Variants in APBA2 observed in about 807,000 individuals in gnomAD.
APBA2 encodes the protein amyloid-beta A4 precursor protein-binding family A member 2.
Under a neutral mutation model 75.0 loss-of-function variants are expected in APBA2, and 30 were observed. The observed-to-expected ratio is 0.40, with a 90% CI of 0.30 to 0.54. The LOEUF is 0.54. Among genes scored for constraint, APBA2 ranks in the 20% least tolerant of loss-of-function variants. APBA2 has a pLI of 0.49. For missense variants in APBA2, 801 were observed against 1,016.1 expected, an observed-to-expected ratio of 0.79 and a Z score of 2.88; for synonymous variants, 444 against 409.6, an observed-to-expected ratio of 1.08 and a Z score of -1.01.
chr15:28,934,231 C>T (rs2034723380), intron 2 of APBA2, among the ~76,000 whole-genome samples: 2 of 152,164 alleles, frequency 1.3e-5, no homozygotes, highest in South Asian at 4.2e-4. Flanking sequence ...AGGAGGGACT[C>T]AGTGGAGCTT....
chr15:29,048,101 C>T (rs2041427406), intron 3 of APBA2, among the ~76,000 whole-genome samples: 1 of 152,154 alleles, frequency 6.6e-6, no homozygotes, highest in South Asian at 2.1e-4. Context: ...GTAATCCCAG[C>T]ACTTTGGGAA....
intron 2 of APBA2, among the ~76,000 whole-genome samples, chr15:28,951,067 C>T (rs150781138): frequency 1.3e-3 from 198 of 152,172 alleles, no homozygotes; most frequent in African/African-American, 4.5e-3. Flanking sequence ...TGGGAAATAT[C>T]TGGGAGAAAA....
chr15:28,960,957 C>T (rs546411164), intron 2 of APBA2, among the ~76,000 whole-genome samples: 10 of 152,036 alleles, frequency 6.6e-5, no homozygotes, highest in Non-Finnish European at 1.2e-4. Flanking sequence ...CAGGGTTTCT[C>T]CATGTTGGTC....
intron 3 of APBA2, among the ~76,000 whole-genome samples, chr15:29,033,599 G>A (rs2040591712): frequency 6.6e-6 from 1 of 151,976 alleles, no homozygotes; most frequent in South Asian, 2.1e-4. Context: ...ACAGAACTCA[G>A]AACACCATTA....
At chr15:28,935,723 C>T (rs1024707371) in intron 2 of APBA2, among the ~76,000 whole-genome samples, 4 of 152,170 alleles carry the variant, frequency 2.6e-5, no homozygotes, top group South Asian at 2.1e-4. Flanking sequence ...CACCTGGTCT[C>T]GGCTGAGGTT....
rs764917264 is a variant in APBA2 at position 29,037,499 on chromosome 15, G to A, written c.-40-16346G>A. 4.2e-4 allele frequency among the ~76,000 whole-genome samples: 64 copies of A among 152,066 alleles called. 1 individual carries two copies. The highest frequency in any genetic ancestry group is 6.9e-4 in the Non-Finnish European group (47 of 68,024). On this transcript the variant is annotated intron_variant, in intron 3 of 14. Coordinates refer to ENST00000683413, the MANE Select transcript of APBA2 (RefSeq NM_001353788.2). ...CTGAGGGTTTGTTGGGATTAGAGGG[G>A]CAGCTTCCAGGCCTTTCAGGAGAGG...
chr15:28,924,692 TG>T (rs1170792405), intron 2 of APBA2, among the ~76,000 whole-genome samples: 7 of 152,206 alleles, frequency 4.6e-5, no homozygotes, highest in Admixed American at 3.9e-4. Context: ...TTCCACCTTT[TG>T]ACTGTCAGGA....
chr15:29,095,655 C>T (rs547957348), intron 8 of APBA2, among the ~76,000 whole-genome samples: 2 of 152,316 alleles, frequency 1.3e-5, no homozygotes, highest in South Asian at 2.1e-4. Context: ...TGAAGTAATG[C>T]CATTTTCTGG....
chr15:29,072,612 A>C lies in APBA2; in HGVS notation c.952-2309A>C, dbSNP rs188382681. On this transcript the variant is annotated intron_variant, in intron 4 of 14. Transcript: ENST00000683413. Reference sequence around the variant, plus strand: ...GCTCCACTTGGTCAGTGCAGGGTCTACTGCAACAGAGTCTCGGGTGGTCAC... The same window carrying C: ...GCTCCACTTGGTCAGTGCAGGGTCTCCTGCAACAGAGTCTCGGGTGGTCAC... Among the ~76,000 whole-genome samples, 447 of 152,016 alleles carry C rather than the reference A, an allele frequency of 2.9e-3. 1 individual carries two copies. Among genetic ancestry groups the C allele is most frequent in the African/African-American group, 0.011 (439 of 41,458 alleles).
intron 1 of APBA2, among the ~76,000 whole-genome samples, chr15:28,916,128 G>A (rs1299925571): frequency 6.6e-6 from 1 of 152,246 alleles, no homozygotes; most frequent in African/African-American, 2.4e-5. Context: ...CCTCCTTTGG[G>A]TCAGCACCGC....
intron 4 of APBA2, among the ~76,000 whole-genome samples, chr15:29,060,701 C>T (rs890750582): frequency 3.3e-5 from 5 of 152,136 alleles, no homozygotes; most frequent in Non-Finnish European, 7.3e-5. Context: ...CACCAGGGCT[C>T]AGGCCACAGA....
chr15:28,923,890 C>T (rs889754632), intron 2 of APBA2, among the ~76,000 whole-genome samples: 1 of 152,236 alleles, frequency 6.6e-6, no homozygotes, highest in Admixed American at 6.5e-5. Flanking sequence ...CCCGGGGCTC[C>T]TCATCCCTGT....
rs2041248300 is a variant in APBA2 at position 29,045,091 on chromosome 15, C to CTT, written c.-40-8753_-40-8752insTT. Among the ~76,000 whole-genome samples, 6 of 110,630 alleles carry CTT rather than the reference C, an allele frequency of 5.4e-5. No homozygotes were observed. The African/African-American group carries it at 5.7e-4, about 11-fold the overall frequency. 72.6% of individuals were successfully genotyped at this position (110,630 alleles called of 152,430 possible). The stretch of plus-strand genomic sequence containing the variant: ...TCCTTCTCTCTCTCTCTCTCTCTCT[C>CTT]TCTCTCTCTCTCGTCTCGCACTGTC... On this transcript the variant is annotated intron_variant, in intron 3 of 14. Transcript: ENST00000683413.
intron 4 of APBA2, among the ~76,000 whole-genome samples, chr15:29,056,042 A>G (rs1020526338): frequency 6.6e-6 from 1 of 152,188 alleles, no homozygotes; most frequent in African/African-American, 2.4e-5. Flanking sequence ...TTGTCCCACA[A>G]CAGTGGTGAA....
chr15:28,961,839 TA>T (rs1566846662), intron 2 of APBA2, among the ~76,000 whole-genome samples: 1 of 152,198 alleles, frequency 6.6e-6, no homozygotes. Flanking sequence ...CGGACGTTAG[TA>T]TTTTTAAGCA....
At chr15:28,943,586 C>T (rs1187395950) in intron 2 of APBA2, among the ~76,000 whole-genome samples, 4 of 151,986 alleles carry the variant, frequency 2.6e-5, no homozygotes, top group African/African-American at 9.6e-5. Context: ...TTGTGAGTTG[C>T]AGATGTCTCA....
chr15:29,036,083 C>T (rs1409049079), intron 3 of APBA2, among the ~76,000 whole-genome samples: 1 of 152,106 alleles, frequency 6.6e-6, no homozygotes, highest in African/African-American at 2.4e-5. Context: ...GGAGAGGTGC[C>T]AGGGTTCATT....
intron 1 of APBA2, among the ~76,000 whole-genome samples, chr15:28,912,392 G>T (rs2033470614): frequency 6.6e-6 from 1 of 152,236 alleles, no homozygotes. Flanking sequence ...CACTGAGGAG[G>T]AGTTTTAGAA....
intron 3 of APBA2, among the ~76,000 whole-genome samples, chr15:29,014,244 G>A (rs1440551163): frequency 6.6e-6 from 1 of 152,198 alleles, no homozygotes; most frequent in Non-Finnish European, 1.5e-5. Flanking sequence ...AGAACATTGG[G>A]AAGGACCTGC....
Sources: allele counts gnomAD v4.1 joint callset (sites outside exome capture counted in the v4.1 genomes callset), GRCh38; gene constraint gnomAD v4.1.1; transcripts MANE v1.5; gene names NCBI Gene and HGNC (gene_info 2026-07-23, HGNC 2026-07-21).